Variants in EFHB observed in about 807,000 individuals in gnomAD.
The protein encoded by EFHB is EF-hand domain family member B, also known as EF-hand domain-containing family member B.
EFHB carries 91 observed loss-of-function variants against 87.2 expected under a neutral mutation model. The ratio of observed to expected loss-of-function variants is 1.04; its 90% CI spans 0.88 to 1.24. The LOEUF (loss-of-function observed/expected upper bound fraction) is 1.24, where lower values mean the gene tolerates loss of function less well. Among genes scored for constraint, EFHB ranks in the 50% most tolerant of loss-of-function variants. The pLI, the probability that EFHB is intolerant of heterozygous loss-of-function variation, is 0.00. For synonymous variants in EFHB, 325 were observed against 333.6 expected, an observed-to-expected ratio of 0.97 and a Z score of 0.28; for missense variants, 1,084 against 998.8, an observed-to-expected ratio of 1.09 and a Z score of -1.15.
At chr3:19,918,749 C>G (rs954851149) in intron 3 of EFHB, among the ~76,000 whole-genome samples, 2 of 150,694 alleles carry the variant, frequency 1.3e-5, no homozygotes, top group African/African-American at 4.9e-5. Context: ...CTGAGGCGGG[C>G]AGATCACCTG....
intron 7 of EFHB, 23 bp from the exon 8 acceptor site, chr3:19,898,868 A>G (rs1310464146): frequency 1.9e-6 from 3 of 1,609,974 alleles, no homozygotes; most frequent in Non-Finnish European, 2.5e-6. Context: ...ACAAATCCTT[A>G]GTTAAAATAC....
rs1010647514 is a variant in EFHB, at chr3:19,879,534, A to G, written c.*97T>C. 1.5e-6 allele frequency: 2 copies of G among 1,338,758 alleles called. No homozygotes were observed. Among genetic ancestry groups the G allele is most frequent in the African/African-American group, 2.9e-5 (2 of 67,982 alleles). The allele number at this position is 1,338,758 out of a possible 1,614,324, so 82.9% of individuals were successfully genotyped here. ...CAGGCATATGAGTCTTACCACTGTG[A>G]ACTCTAACATAATATCTAAAACCAG... On this transcript the variant is annotated 3_prime_UTR_variant, in exon 13 of 13. Coordinates refer to ENST00000295824, the MANE Select transcript of EFHB (RefSeq NM_144715.4).
rs35992446 is a variant in EFHB at position 19,900,926 on chromosome 3, CA to C, written c.1419-1412del. 6.5e-3 allele frequency among the ~76,000 whole-genome samples: 872 copies of C among 134,982 alleles called. 6 individuals are homozygous for C. The highest frequency in any genetic ancestry group is 0.016 in the African/African-American group (614 of 37,354). 88.6% of individuals were successfully genotyped at this position (134,982 alleles called of 152,430 possible). ...CCTGGGCAACAAAGTGAGCCTGTCT[CA>C]AAAAAAAAAAAAATGTAGAAAAGTT... On this transcript the variant is annotated intron_variant, in intron 6 of 12. Transcript: ENST00000295824.
chr3:19,918,199 C>T (rs768686614), intron 4 of EFHB, 33 bp downstream of exon 4: 7 of 1,524,278 alleles, frequency 4.6e-6, no homozygotes, highest in Admixed American at 2.3e-5. Flanking sequence ...ATTTTACCAG[C>T]CCCTTCCCAC....
In EFHB at chr3:19,898,839, T is replaced by C; in HGVS notation, c.1509A>G (p.Ala503=). ...AGTCTGGGGGAACATTCATTGTTTC[T>C]GCAATGCTATCAAAGAAAACAAATC... ...HKLGRVLDPI[A]ETMNVPPDCT... The change falls in exon 8 of 13, where the codon GCA becomes GCG. Residue 503 remains alanine, a synonymous_variant. Transcript: ENST00000295824. 9 of 1,613,724 alleles carry C rather than the reference T, an allele frequency of 5.6e-6. No individual in the cohort carries two copies. The highest frequency in any genetic ancestry group is 5.1e-6 in the Non-Finnish European group (6 of 1,179,748).
At chr3:19,944,083 T>A (rs1022764567) in intron 1 of EFHB, among the ~76,000 whole-genome samples, 13 of 152,220 alleles carry the variant, frequency 8.5e-5, no homozygotes, top group African/African-American at 2.9e-4. Flanking sequence ...TTTCACAGCC[T>A]TTTATTCACT....
chr3:19,891,228 T>G (rs909460221), intron 9 of EFHB, among the ~76,000 whole-genome samples: 1 of 152,102 alleles, frequency 6.6e-6, no homozygotes, highest in South Asian at 2.1e-4. Context: ...TAACTATTTG[T>G]GTTTACTTGT....
intron 10 of EFHB, 92 bp downstream of exon 10, chr3:19,888,352 C>T: frequency 1.5e-6 from 1 of 685,928 alleles, no homozygotes; most frequent in Non-Finnish European, 1.9e-6. Context: ...GCCTGGGCAA[C>T]ATAGTGAGAC....
chr3:19,909,034 G>A (rs114406995), intron 5 of EFHB, among the ~76,000 whole-genome samples: 33 of 99,658 alleles, frequency 3.3e-4, no homozygotes, highest in African/African-American at 9.8e-4. Flanking sequence ...ACCCACACCC[G>A]CCCCCCACCC....
chr3:19,916,572 G>A (rs1309703041), intron 4 of EFHB, among the ~76,000 whole-genome samples: 1 of 152,004 alleles, frequency 6.6e-6, no homozygotes, highest in African/African-American at 2.4e-5. Context: ...TATCCTCAAT[G>A]TAGCCAGAGG....
intron 6 of EFHB, among the ~76,000 whole-genome samples, chr3:19,903,312 T>A (rs952537760): frequency 2.0e-5 from 3 of 152,210 alleles, no homozygotes; most frequent in African/African-American, 7.2e-5. Flanking sequence ...TGTCTTTTTC[T>A]ATGGCAACAC....
At chr3:19,909,035 C>A (rs1390709452) in intron 5 of EFHB, among the ~76,000 whole-genome samples, 2 of 118,756 alleles carry the variant, frequency 1.7e-5, no homozygotes, top group Admixed American at 9.9e-5. Flanking sequence ...CCCACACCCG[C>A]CCCCCACCCC....
intron 1 of EFHB, among the ~76,000 whole-genome samples, chr3:19,930,719 A>G (rs553036102): frequency 2.3e-4 from 35 of 152,184 alleles, no homozygotes; most frequent in African/African-American, 8.4e-4. Context: ...TGATCTTCGC[A>G]CCTCTCCCAA....
At chr3:19,936,892 T>TAAATAAAC (rs1321625488), upstream of EFHB, among the ~76,000 whole-genome samples, 3 of 145,536 alleles carry the variant, frequency 2.1e-5, no homozygotes, top group Non-Finnish European at 4.5e-5. Flanking sequence ...AATAAATAAA[T>TAAATAAAC]AAATAAATAA....
chr3:19,926,326 G>T (rs551177294), intron 1 of EFHB, among the ~76,000 whole-genome samples: 90 of 83,556 alleles, frequency 1.1e-3, no homozygotes, highest in Admixed American at 2.0e-3. Context: ...GGGTTTTTTG[G>T]TTTTTTTGGG....
chr3:19,940,402 T>C (rs1474711594), intron 1 of EFHB: 1 of 437,602 alleles, frequency 2.3e-6, no homozygotes. Flanking sequence ...CTCTTTCTGC[T>C]GATGTTCAAA....
intron 6 of EFHB, among the ~76,000 whole-genome samples, chr3:19,904,966 G>A (rs1694791840): frequency 6.6e-6 from 1 of 152,170 alleles, no homozygotes; most frequent in Non-Finnish European, 1.5e-5. Context: ...CGCAGGAAAT[G>A]AAAAACTAAT....
intron 9 of EFHB, among the ~76,000 whole-genome samples, chr3:19,892,924 C>A (rs1286884783): frequency 1.4e-5 from 2 of 144,560 alleles, no homozygotes; most frequent in African/African-American, 5.7e-5. Flanking sequence ...GTAGCTATAA[C>A]TTCACCTTTT....
intron 3 of EFHB, among the ~76,000 whole-genome samples, chr3:19,919,086 C>T (rs560098816): frequency 1.3e-5 from 2 of 152,132 alleles, no homozygotes; most frequent in Non-Finnish European, 2.9e-5. Flanking sequence ...TGAATCTAGA[C>T]TGTGCATTCA....
Sources: gnomAD v4.1 joint callset for allele counts (sites outside exome capture counted in the v4.1 genomes callset) on GRCh38, gnomAD v4.1.1 for gene constraint, MANE v1.5 for transcripts, NCBI Gene and HGNC (gene_info 2026-07-23, HGNC 2026-07-21) for gene names.